Variants in PCLO observed in about 807,000 individuals in gnomAD.
The protein encoded by PCLO is piccolo presynaptic cytomatrix protein.
PCLO carries 82 observed loss-of-function variants against 427.5 expected under a neutral mutation model. That is an observed-to-expected ratio of 0.19 (90% CI 0.16 to 0.23). The LOEUF is 0.23. Among genes scored for constraint, PCLO ranks in the 10% least tolerant of loss-of-function variants. The pLI is 1.00. For synonymous variants in PCLO, 2,357 were observed against 2,155.4 expected, an observed-to-expected ratio of 1.09 and a Z score of -2.59; for missense variants, 6,239 against 6,115.9, an observed-to-expected ratio of 1.02 and a Z score of -0.67.
chr7:82,915,696 G>T lies in PCLO; in HGVS notation c.12290C>A (p.Pro4097His). 1.2e-6 allele frequency: 2 copies of T among 1,612,796 alleles called. No individual in the cohort carries two copies. Among genetic ancestry groups the T allele is most frequent in the Non-Finnish European group, 1.7e-6 (2 of 1,179,356 alleles). Residue 4097 changes from proline to histidine, a missense_variant, in exon 7 of 25, where the codon CCT becomes CAT. This residue lies in a region of PCLO where 680 missense variants were observed against 677.3 expected (regional missense o/e 1.00). Coordinates refer to ENST00000333891, the MANE Select transcript of PCLO (RefSeq NM_033026.6). The stretch of plus-strand genomic sequence containing the variant: ...ATGCAATCTAGAGGAAGACTGTAAA[G>T]GTGCTAGGAAATCTGTCACTTCTTG... The part of the protein sequence containing the change: ...RSQEVTDFLA[P>H]LQSSSRLHSY...
At chr7:82,848,877 A>ACTTTAT (rs1481940730) in intron 10 of PCLO, 1 of 392,892 alleles carries the variant, frequency 2.5e-6, no homozygotes, top group Non-Finnish European at 5.1e-6. Flanking sequence ...CTCCAAGGAA[A>ACTTTAT]CTTTATCTTC....
At position 82,953,809 on chromosome 7, in the gene PCLO, A is replaced by G; in HGVS notation, c.7144T>C (p.Ser2382Pro). ...GGTTTAGCTGGAAGAGAGGAAACAG[A>G]AGGACTGCCAGATGGTAACTGAGAT... Reference protein sequence around the residue: ...PASQLPSGSPSVSSLPAKPRP... With the variant: ...PASQLPSGSPPVSSLPAKPRP... The change falls in exon 5 of 25, where the codon TCT becomes CCT. Residue 2382 changes from serine (S) to proline (P), a missense_variant. Ser to Pro is a moderately conservative substitution (Grantham distance 74, BLOSUM62 -1). Coordinates refer to ENST00000333891, the MANE Select transcript of PCLO (RefSeq NM_033026.6). The G allele has an allele frequency of 1.9e-6, 3 of 1,606,892 alleles. No homozygotes were observed. The highest frequency in any genetic ancestry group is 2.6e-6 in the Non-Finnish European group (3 of 1,176,050).
At chr7:82,874,980 A>C (rs1056637440) in intron 10 of PCLO, among the ~76,000 whole-genome samples, 3 of 152,200 alleles carry the variant, frequency 2.0e-5, no homozygotes, top group Non-Finnish European at 4.4e-5. Flanking sequence ...GCACTTCAGA[A>C]ACTTAGATTT....
chr7:83,140,840 C>CT (rs1476901670), intron 2 of PCLO, among the ~76,000 whole-genome samples: 2 of 152,182 alleles, frequency 1.3e-5, no homozygotes, highest in Non-Finnish European at 2.9e-5. Flanking sequence ...AAAATTAAAC[C>CT]TTTATCTCCA....
intron 3 of PCLO, among the ~76,000 whole-genome samples, chr7:83,011,700 T>C (rs1788081379): frequency 6.6e-6 from 1 of 152,038 alleles, no homozygotes; most frequent in East Asian, 1.9e-4. Flanking sequence ...CTTCCAAAGA[T>C]ACAATTGTGA....
rs1438567963 is a variant in PCLO, at chr7:82,952,462, G to A, written c.8491C>T (p.His2831Tyr). ...TTPLQLTTSK[H>Y]AEPPYRIPSD... ...GGTATCCTGTATGGGGGCTCAGCAT[G>A]CTTTGATGTTGTAAGTTGGAGTGGT... The change falls in exon 5 of 25, where the codon CAT becomes TAT. Residue 2831 changes from histidine (H) to tyrosine (Y), a missense_variant. Physicochemically the swap from His to Tyr is moderately conservative, Grantham distance 83 (BLOSUM62 2). Transcript: ENST00000333891. 1.1e-5 allele frequency: 18 copies of A among 1,613,798 alleles called. No individual in the cohort carries two copies. Among genetic ancestry groups the A allele is most frequent in the Non-Finnish European group, 1.4e-5 (16 of 1,179,848 alleles).
At chr7:83,099,611 G>A (rs1013943868) in intron 3 of PCLO, among the ~76,000 whole-genome samples, 10 of 151,992 alleles carry the variant, frequency 6.6e-5, no homozygotes, top group Non-Finnish European at 1.2e-4. Flanking sequence ...GGCTGGTCTC[G>A]AACTCCTGAC....
chr7:83,028,180 G>C (rs1788556201), intron 3 of PCLO, among the ~76,000 whole-genome samples: 2 of 152,150 alleles, frequency 1.3e-5, no homozygotes, highest in African/African-American at 4.8e-5. Context: ...CCTCTTTGCA[G>C]ATGACATGAT....
chr7:83,007,785 T>C (rs895258637), intron 3 of PCLO, among the ~76,000 whole-genome samples: 1 of 151,526 alleles, frequency 6.6e-6, no homozygotes, highest in Non-Finnish European at 1.5e-5. Flanking sequence ...TCTCTAAACC[T>C]TAGTCTAGAC....
At chr7:82,824,787 CA>C (rs572757696) in intron 18 of PCLO, among the ~76,000 whole-genome samples, 242 of 141,322 alleles carry the variant, frequency 1.7e-3, no homozygotes, top group African/African-American at 3.6e-3. Context: ...GCTAAAAATA[CA>C]AAAAAAAAAA....
chr7:83,075,184 A>G (rs1789919385), intron 3 of PCLO, among the ~76,000 whole-genome samples: 1 of 152,152 alleles, frequency 6.6e-6, no homozygotes, highest in African/African-American at 2.4e-5. Context: ...ACACGTAAAA[A>G]TTGAGAGATA....
chr7:83,121,186 G>T (rs951877128), intron 3 of PCLO, among the ~76,000 whole-genome samples: 6 of 151,968 alleles, frequency 3.9e-5, no homozygotes, highest in African/African-American at 1.2e-4. Context: ...AGTATAAAAA[G>T]ATATAAATAG....
Position 82,999,857 on chromosome 7 carries a change from T to C in PCLO, c.3301-33370A>G, listed in dbSNP as rs1432119811. Reference sequence around the variant, plus strand: ...TAAATATAAAATATAATATATAATATTATATAAAATATAATATATAATATT... The same window carrying C: ...TAAATATAAAATATAATATATAATACTATATAAAATATAATATATAATATT... On this transcript the variant is annotated intron_variant, in intron 3 of 24. Transcript: ENST00000333891. Among the ~76,000 whole-genome samples, 2 of 18,480 alleles carry C rather than the reference T, an allele frequency of 1.1e-4. 1 individual carries two copies. Among genetic ancestry groups the C allele is most frequent in the Non-Finnish European group, 1.5e-4 (2 of 13,616 alleles). The allele number at this position is 18,480 out of a possible 152,430, so 12.1% of individuals were successfully genotyped here. A position where few individuals can be genotyped will look rare whatever the true frequency, so the allele number is the denominator to read the frequency against.
intron 3 of PCLO, among the ~76,000 whole-genome samples, chr7:82,987,246 T>G (rs936081473): frequency 3.3e-5 from 5 of 152,014 alleles, no homozygotes; most frequent in African/African-American, 1.2e-4. Flanking sequence ...AATCTTCATA[T>G]TTATTGATTC....
intron 4 of PCLO, among the ~76,000 whole-genome samples, chr7:82,964,166 G>A (rs1795714522): frequency 6.6e-6 from 1 of 152,022 alleles, no homozygotes; most frequent in East Asian, 1.9e-4. Context: ...CAGTAAGTAA[G>A]GTAGTGCCCT....
intron 21 of PCLO, among the ~76,000 whole-genome samples, chr7:82,805,086 C>T (rs1583993460): frequency 2.0e-5 from 3 of 149,394 alleles, no homozygotes; most frequent in Middle Eastern, 3.5e-3. Context: ...TGCAAAATGA[C>T]TTTTTTTTTA....
At chr7:83,103,727 A>G (rs1435111449) in intron 3 of PCLO, among the ~76,000 whole-genome samples, 1 of 151,990 alleles carries the variant, frequency 6.6e-6, no homozygotes, top group Non-Finnish European at 1.5e-5. Context: ...ATGCTTTAAT[A>G]TAAAGATTAA....
chr7:82,770,264 AG>A (rs1470626263), intron 22 of PCLO, among the ~76,000 whole-genome samples: 2 of 152,068 alleles, frequency 1.3e-5, no homozygotes, highest in Non-Finnish European at 2.9e-5. Flanking sequence ...TTTAAAAATT[AG>A]ATTTTCAATT....
At chr7:82,768,138 T>C (rs1790570521) in intron 22 of PCLO, among the ~76,000 whole-genome samples, 1 of 152,096 alleles carries the variant, frequency 6.6e-6, no homozygotes, top group Non-Finnish European at 1.5e-5. Flanking sequence ...AAACATAGTA[T>C]TAGGCTGGGG....
Sources: allele counts gnomAD v4.1 joint callset (sites outside exome capture counted in the v4.1 genomes callset), GRCh38; gene constraint gnomAD v4.1.1; regional missense constraint gnomAD v4.1.1; transcripts MANE v1.5; gene names NCBI Gene and HGNC (gene_info 2026-07-23, HGNC 2026-07-21).